CRPPA: variants seen among roughly 807,000 people sequenced by gnomAD.
The protein encoded by CRPPA is CDP-L-ribitol pyrophosphorylase A.
In CRPPA, 43 loss-of-function variants were observed where a neutral mutation model predicts 52.0. That is an observed-to-expected ratio of 0.83 (90% confidence interval 0.65 to 1.07). The LOEUF (loss-of-function observed/expected upper bound fraction) is 1.07. Among genes scored for constraint, CRPPA ranks in the 50% least tolerant of loss-of-function variants. CRPPA has a pLI of 0.00. For synonymous variants in CRPPA, 250 were observed against 203.5 expected (o/e 1.23, Z -1.94); for missense variants, 629 against 551.7 (o/e 1.14, Z -1.40).
chr7:16,327,310 A>G (rs1254416125), intron 3 of CRPPA, among the ~76,000 whole-genome samples: 2 of 152,176 alleles, frequency 1.3e-5, no homozygotes, highest in African/African-American at 2.4e-5. Flanking sequence ...AGTAAATCCA[A>G]GGCCGGGCGC....
At chr7:16,387,066 T>TATATATATATATATACAC (rs1554352478) in intron 2 of CRPPA, among the ~76,000 whole-genome samples, 1,708 of 108,950 alleles carry the variant, frequency 0.016, 23 homozygotes, top group Non-Finnish European at 0.023. Flanking sequence ...TATATATATA[T>TATATATATATATATACAC]ATATATATAT....
At chr7:16,259,669 A>G (rs1295152) in intron 6 of CRPPA, among the ~76,000 whole-genome samples, 27,503 of 151,876 alleles carry the variant, frequency 0.18, 3,179 homozygotes, top group African/African-American at 0.34. Flanking sequence ...TTCTATCATC[A>G]CAATATGAAC....
chr7:16,355,271 C>G (rs894102118), intron 3 of CRPPA, among the ~76,000 whole-genome samples: 9 of 152,170 alleles, frequency 5.9e-5, no homozygotes, highest in African/African-American at 1.9e-4. Flanking sequence ...AGTGGATACT[C>G]AATGAACTAG....
intron 6 of CRPPA, among the ~76,000 whole-genome samples, chr7:16,274,360 T>G (rs1403787291): frequency 6.6e-6 from 1 of 152,198 alleles, no homozygotes; most frequent in Non-Finnish European, 1.5e-5. Context: ...TGTGGCTGTT[T>G]CTAAGAGAAA....
intron 5 of CRPPA, among the ~76,000 whole-genome samples, chr7:16,284,723 T>A (rs1420098235): frequency 6.6e-6 from 1 of 152,162 alleles, no homozygotes; most frequent in African/African-American, 2.4e-5. Context: ...ATTGTTTACA[T>A]CTTAGTTTAT....
chr7:16,368,555 T>G (rs1196528427), intron 3 of CRPPA, among the ~76,000 whole-genome samples: 1 of 152,208 alleles, frequency 6.6e-6, no homozygotes, highest in Non-Finnish European at 1.5e-5. Flanking sequence ...GCCATCAACC[T>G]TTCTGATTTT....
At chr7:16,194,320 C>T (rs990978339) in intron 9 of CRPPA, among the ~76,000 whole-genome samples, 1 of 152,042 alleles carries the variant, frequency 6.6e-6, no homozygotes, top group Non-Finnish European at 1.5e-5. Flanking sequence ...TCTTTGGCTC[C>T]CTTATGACCT....
intron 9 of CRPPA, 61 bp from the exon 10 acceptor site, chr7:16,091,860 G>C: frequency 6.0e-6 from 6 of 998,994 alleles, no homozygotes; most frequent in Admixed American, 3.6e-5. Flanking sequence ...TGTTAAGTTT[G>C]ATAAAAAGCC....
At chr7:16,362,655 G>A (rs568238690) in intron 3 of CRPPA, among the ~76,000 whole-genome samples, 1 of 152,276 alleles carries the variant, frequency 6.6e-6, no homozygotes, top group South Asian at 2.1e-4. Context: ...ATGAGAGAAA[G>A]TTATTAAATA....
chr7:16,176,957 T>A (rs747819499), intron 9 of CRPPA, among the ~76,000 whole-genome samples: 3 of 152,156 alleles, frequency 2.0e-5, no homozygotes, highest in Non-Finnish European at 4.4e-5. Context: ...TCCATAAGAA[T>A]ACTATTCAGC....
At chr7:16,094,026 A>G (rs1193791285) in intron 9 of CRPPA, among the ~76,000 whole-genome samples, 5 of 152,170 alleles carry the variant, frequency 3.3e-5, no homozygotes, top group Non-Finnish European at 7.4e-5. Flanking sequence ...TTAAGGAAAA[A>G]CTGTTTAGGA....
chr7:16,358,761 G>A (rs1261248851), intron 3 of CRPPA, among the ~76,000 whole-genome samples: 1 of 152,052 alleles, frequency 6.6e-6, no homozygotes, highest in African/African-American at 2.4e-5. Context: ...GAAAAAAACT[G>A]CTTTCTACTA....
chr7:16,302,079 G>C (rs1261015586), intron 4 of CRPPA, among the ~76,000 whole-genome samples: 1 of 152,038 alleles, frequency 6.6e-6, no homozygotes, highest in Admixed American at 6.5e-5. Context: ...GGCGGATCAC[G>C]AGGTCAGGAG....
At chr7:16,348,134 GAGC>G (rs1395554037) in intron 3 of CRPPA, among the ~76,000 whole-genome samples, 1 of 152,138 alleles carries the variant, frequency 6.6e-6, no homozygotes, top group African/African-American at 2.4e-5. Context: ...CTGGCAACCT[GAGC>G]AGCAGATCAG....
chr7:16,238,993 G>C (rs866642791), intron 8 of CRPPA, among the ~76,000 whole-genome samples: 4 of 151,928 alleles, frequency 2.6e-5, no homozygotes, highest in African/African-American at 9.7e-5. Context: ...CAAAAAATTA[G>C]CCAGGTGTGG....
chr7:16,269,757 C>T (rs1482010035), intron 6 of CRPPA: 1 of 152,124 alleles, frequency 6.6e-6, no homozygotes, highest in Non-Finnish European at 1.5e-5. Context: ...ACTAGAACAA[C>T]AGAATAACCT....
At chr7:16,364,956 T>C (rs1007126308) in intron 3 of CRPPA, among the ~76,000 whole-genome samples, 4 of 152,160 alleles carry the variant, frequency 2.6e-5, no homozygotes, top group African/African-American at 4.8e-5. Context: ...TAACATAAGA[T>C]TTCAAATTTA....
At chr7:16,282,485 G>T (rs987647506) in intron 5 of CRPPA, among the ~76,000 whole-genome samples, 3 of 152,056 alleles carry the variant, frequency 2.0e-5, no homozygotes, top group Non-Finnish European at 4.4e-5. Flanking sequence ...AGAAGAAAGG[G>T]TGACGGAAAA....
In CRPPA at chr7:16,087,603, T is replaced by A. The variant is rs188823385; in HGVS notation, c.*4092A>T. ...TTAGAATCTTTATAGTACTTTTCAA[T>A]GTCACCTTAAAAATATGCATATGCT... On this transcript the variant is annotated 3_prime_UTR_variant, in exon 10 of 10. Coordinates refer to ENST00000407010, the MANE Select transcript of CRPPA (RefSeq NM_001101426.4). The A allele has an allele frequency of 2.6e-5, 4 of 151,986 alleles. No homozygotes were observed. In the South Asian group the frequency reaches 8.3e-4, roughly 31 times the overall value. 9.4% of individuals were successfully genotyped at this position (151,986 alleles called of 1,614,324 possible).
Sources: allele counts gnomAD v4.1 joint callset (sites outside exome capture counted in the v4.1 genomes callset), GRCh38; gene constraint gnomAD v4.1.1; transcripts MANE v1.5; gene names NCBI Gene and HGNC (gene_info 2026-07-23, HGNC 2026-07-21).